The following CDKL1 variants were observed in gnomAD, a reference collection of about 807,000 sequenced individuals.
CDKL1 encodes the protein cyclin-dependent kinase-like 1.
Under a neutral mutation model 42.0 loss-of-function variants are expected in CDKL1, and 41 were observed. That is an observed-to-expected ratio of 0.98 (90% confidence interval 0.76 to 1.27). The LOEUF (loss-of-function observed/expected upper bound fraction) is 1.27, where lower values mean the gene tolerates loss of function less well. Ranked by LOEUF, CDKL1 falls within the 50% of genes most tolerant of loss-of-function variation. CDKL1 has a pLI of 0.00. For synonymous variants in CDKL1, 153 were observed against 158.6 expected (o/e 0.96, Z 0.26); for missense variants, 394 against 428.4 (o/e 0.92, Z 0.71).
At chr14:50,392,395 G>C (rs927193340) in intron 2 of CDKL1, among the ~76,000 whole-genome samples, 1 of 151,642 alleles carries the variant, frequency 6.6e-6, no homozygotes, top group Non-Finnish European at 1.5e-5. Flanking sequence ...GCAGTGAGCT[G>C]AGATTGTGCC....
At chr14:50,337,759 C>T (rs1330514555) in intron 7 of CDKL1, among the ~76,000 whole-genome samples, 1 of 149,718 alleles carries the variant, frequency 6.7e-6, no homozygotes, top group Admixed American at 6.7e-5. Flanking sequence ...CAGGTCACTG[C>T]GGCCTCAACT....
intron 2 of CDKL1, among the ~76,000 whole-genome samples, chr14:50,387,222 A>AAAAAG (rs1595374840): frequency 1.0e-5 from 1 of 98,984 alleles, no homozygotes; most frequent in Non-Finnish European, 2.0e-5. Context: ...AAAAAAAAAA[A>AAAAAG]TGGGGGTGGG....
intron 7 of CDKL1, chr14:50,335,389 G>T: frequency 8.6e-7 from 1 of 1,160,050 alleles, no homozygotes; most frequent in Admixed American, 2.1e-5. Context: ...CAGGTGAACA[G>T]ATGCTTCTTG....
chr14:50,373,994 T>C (rs58086072), intron 2 of CDKL1, among the ~76,000 whole-genome samples: 38,284 of 152,190 alleles, frequency 0.25, 5,490 homozygotes, highest in African/African-American at 0.38. Flanking sequence ...AACAGCTTTA[T>C]TCATAATCAC....
intron 2 of CDKL1, among the ~76,000 whole-genome samples, chr14:50,392,490 A>ATAATAG (rs1371039932): frequency 1.8e-5 from 2 of 108,262 alleles, no homozygotes; most frequent in Non-Finnish European, 4.1e-5. Flanking sequence ...AATAATAATA[A>ATAATAG]TGAAAGAACA....
chr14:50,382,227 C>A (rs577010241), intron 2 of CDKL1, among the ~76,000 whole-genome samples: 29 of 152,078 alleles, frequency 1.9e-4, no homozygotes, highest in Non-Finnish European at 3.4e-4. Context: ...CCGAGGCAGG[C>A]GGATCACGAG....
At chr14:50,389,149 C>T (rs948045831) in intron 2 of CDKL1, among the ~76,000 whole-genome samples, 1 of 147,638 alleles carries the variant, frequency 6.8e-6, no homozygotes, top group Admixed American at 6.7e-5. Flanking sequence ...ACTGAAGTCT[C>T]TAACTGTAGC....
intron 3 of CDKL1, among the ~76,000 whole-genome samples, chr14:50,351,428 A>AG (rs2033897666): frequency 1.3e-5 from 2 of 152,064 alleles, no homozygotes; most frequent in Non-Finnish European, 2.9e-5. Context: ...GTACATTGAG[A>AG]GGCTATTAAA....
chr14:50,334,740 C>A, intron 7 of CDKL1, 119 bp from the exon 8 acceptor site: 1 of 691,680 alleles, frequency 1.4e-6, no homozygotes, highest in Non-Finnish European at 2.6e-6. Flanking sequence ...CCACCCTTTG[C>A]CCACCCAACC....
At position 50,332,289 on chromosome 14, in the gene CDKL1, C is replaced by T. The variant is rs780286219; in HGVS notation, c.939G>A (p.Lys313=). The change falls in exon 9 of 10, where the codon AAG becomes AAA. Residue 313 remains lysine, a synonymous_variant. Transcript: ENST00000395834. ...TGGATGTTTCTGTAAAGCAGTGGTG[C>T]TTTCGGCTCTTTCTTAGGGTCTTCC... ...PTRKTLRKSR[K]HHCFTETSKL... The T allele has an allele frequency of 2.5e-6, 4 of 1,614,100 alleles. No individual in the cohort carries two copies. The highest frequency in any genetic ancestry group is 3.3e-5 in the Admixed American group (2 of 60,002).
At chr14:50,338,238 G>A (rs965853679) in intron 7 of CDKL1, among the ~76,000 whole-genome samples, 1 of 152,036 alleles carries the variant, frequency 6.6e-6, no homozygotes, top group Non-Finnish European at 1.5e-5. Flanking sequence ...TATTTATTTT[G>A]GAAAGAGTCT....
At chr14:50,362,627 C>G (rs1324611789) in intron 2 of CDKL1, among the ~76,000 whole-genome samples, 2 of 152,140 alleles carry the variant, frequency 1.3e-5, no homozygotes, top group Non-Finnish European at 2.9e-5. Flanking sequence ...AATCGACACT[C>G]TGTATCTAGC....
intron 2 of CDKL1, among the ~76,000 whole-genome samples, chr14:50,381,407 A>T (rs1241070520): frequency 6.6e-6 from 1 of 152,208 alleles, no homozygotes; most frequent in Non-Finnish European, 1.5e-5. Context: ...AGTGACAAAG[A>T]GGTAGCTCCT....
At chr14:50,341,454 TCTGG>T (rs2033523701) in intron 5 of CDKL1, among the ~76,000 whole-genome samples, 1 of 7,086 alleles carries the variant, frequency 1.4e-4, no homozygotes, top group African/African-American at 5.5e-4. Context: ...CTGGGGAGGG[TCTGG>T]GGGGGGGGGG....
At chr14:50,372,172 G>C (rs1215638749) in intron 2 of CDKL1, among the ~76,000 whole-genome samples, 1 of 152,198 alleles carries the variant, frequency 6.6e-6, no homozygotes, top group African/African-American at 2.4e-5. Flanking sequence ...GGAGTGCAGT[G>C]GAGAGATCTC....
At position 50,335,850 on chromosome 14, in the gene CDKL1, G is replaced by A. The variant is rs1164053321; in HGVS notation, c.739-1229C>T. 2.3e-6 allele frequency: 3 copies of A among 1,285,158 alleles called. No individual in the cohort carries two copies. The African/African-American group carries it at 4.6e-5, about 20-fold the overall frequency. 79.6% of individuals were successfully genotyped at this position (1,285,158 alleles called of 1,614,324 possible). ...AGCTCCCAATAACCAATTCTGGATT[G>A]TACACATACTAATCATTGATAAGAG... On this transcript the variant is annotated intron_variant, in intron 7 of 9. Coordinates refer to ENST00000395834, the MANE Select transcript of CDKL1 (RefSeq NM_004196.7).
At chr14:50,350,333 G>A (rs2033864172) in intron 3 of CDKL1, among the ~76,000 whole-genome samples, 1 of 152,214 alleles carries the variant, frequency 6.6e-6, no homozygotes, top group Non-Finnish European at 1.5e-5. Flanking sequence ...AGGGCAGAGT[G>A]GGGAAGGGCT....
chr14:50,360,786 T>TTGTGTTTG (rs371893337), intron 2 of CDKL1, among the ~76,000 whole-genome samples: 1 of 144,604 alleles, frequency 6.9e-6, no homozygotes, highest in Non-Finnish European at 1.5e-5. Context: ...GTGTGTGTGT[T>TTGTGTTTG]TGTGTGTGTG....
chr14:50,367,479 T>C (rs2034465727), intron 2 of CDKL1, among the ~76,000 whole-genome samples: 1 of 152,182 alleles, frequency 6.6e-6, no homozygotes, highest in Admixed American at 6.5e-5. Context: ...GCCCCAACAT[T>C]GTGAATGTTT....
Sources: gnomAD v4.1 joint callset for allele counts (sites outside exome capture counted in the v4.1 genomes callset) on GRCh38, gnomAD v4.1.1 for gene constraint, MANE v1.5 for transcripts, NCBI Gene and HGNC (gene_info 2026-07-23, HGNC 2026-07-21) for gene names.